CRYBG1: variants seen among roughly 807,000 people sequenced by gnomAD.
CRYBG1 encodes crystallin beta-gamma domain containing 1.
CRYBG1 carries 139 observed loss-of-function variants against 189.2 expected under a neutral mutation model. That is an observed-to-expected ratio of 0.73 (90% CI 0.64 to 0.85). The LOEUF (loss-of-function observed/expected upper bound fraction) is 0.85. Among genes scored for constraint, CRYBG1 ranks in the 40% least tolerant of loss-of-function variants. The pLI is 0.00. For missense variants in CRYBG1, 2,611 were observed against 2,675.8 expected, an observed-to-expected ratio of 0.98 and a Z score of 0.53; for synonymous variants, 1,023 against 1,017.1, an observed-to-expected ratio of 1.01 and a Z score of -0.11.
Position 106,553,491 on chromosome 6 carries a change from A to C in CRYBG1, c.5509A>C (p.Ser1837Arg). ...LFSEPQFQGHSQSFEETTSQI... is the reference protein window; with the variant it reads ...LFSEPQFQGHRQSFEETTSQI... The stretch of plus-strand genomic sequence containing the variant: ...TTCAGAACCACAGTTTCAAGGTCAC[A>C]GTCAAAGTTTTGAAGAAACAACAAG... The change falls in exon 16 of 22, where the codon AGT becomes CGT. Residue 1837 changes from serine to arginine, a missense_variant. Around this residue, in one of 3 missense-constraint regions of CRYBG1, gnomAD observed 1,622 missense variants for 1,735.0 expected, o/e 0.93. Coordinates refer to ENST00000633556, the MANE Select transcript of CRYBG1 (RefSeq NM_001371242.2). 1.9e-6 allele frequency: 3 copies of C among 1,613,892 alleles called. No homozygotes were observed. Among genetic ancestry groups the C allele is most frequent in the East Asian group, 2.2e-5 (1 of 44,880 alleles).
At chr6:106,375,985 A>AT (rs1770155519) in intron 1 of CRYBG1, among the ~76,000 whole-genome samples, 2 of 152,248 alleles carry the variant, frequency 1.3e-5, no homozygotes, top group African/African-American at 2.4e-5. Flanking sequence ...TAAAAATTAC[A>AT]TGAATATGGT....
chr6:106,462,425 C>T (rs1463890688), intron 2 of CRYBG1, among the ~76,000 whole-genome samples: 1 of 152,228 alleles, frequency 6.6e-6, no homozygotes, highest in Non-Finnish European at 1.5e-5. Context: ...TCCCAAAGTG[C>T]TGGGATTACA....
chr6:106,526,698 T>C (rs945938707), intron 6 of CRYBG1, among the ~76,000 whole-genome samples: 8 of 151,964 alleles, frequency 5.3e-5, no homozygotes, highest in Non-Finnish European at 7.4e-5. Context: ...TTCCAGCACG[T>C]TGGGAGGCCG....
chr6:106,380,117 A>T (rs1445825764), intron 1 of CRYBG1, among the ~76,000 whole-genome samples: 1 of 152,176 alleles, frequency 6.6e-6, no homozygotes, highest in Non-Finnish European at 1.5e-5. Context: ...TCAAAAAAGA[A>T]AAACCCCAGA....
At chr6:106,517,847 A>G (rs1323812589) in intron 3 of CRYBG1, among the ~76,000 whole-genome samples, 1 of 152,176 alleles carries the variant, frequency 6.6e-6, no homozygotes, top group Non-Finnish European at 1.5e-5. Context: ...AACAGAGCAC[A>G]TTTTGTTTCT....
chr6:106,509,821 C>A (rs576882966), intron 2 of CRYBG1, among the ~76,000 whole-genome samples: 2 of 152,092 alleles, frequency 1.3e-5, no homozygotes, highest in African/African-American at 2.4e-5. Context: ...CTCTCCCCCC[C>A]ACCCCAATTT....
At chr6:106,375,109 G>A (rs375630075) in intron 1 of CRYBG1, among the ~76,000 whole-genome samples, 10 of 152,138 alleles carry the variant, frequency 6.6e-5, no homozygotes, top group East Asian at 5.8e-4. Flanking sequence ...GTGGCCAGGC[G>A]TGGTGGCTTA....
chr6:106,555,146 C>G (rs970921381), intron 16 of CRYBG1, among the ~76,000 whole-genome samples: 2 of 147,406 alleles, frequency 1.4e-5, no homozygotes, highest in African/African-American at 2.5e-5. Flanking sequence ...GCCTGTGTGA[C>G]AGAGCGAGAT....
chr6:106,388,330 T>G (rs2787522), intron 1 of CRYBG1, among the ~76,000 whole-genome samples: 56,017 of 151,980 alleles, frequency 0.37, 10,699 homozygotes, highest in East Asian at 0.55. Context: ...TCAAGTGTTT[T>G]GGCCATGCAC....
chr6:106,463,001 A>T lies in CRYBG1; in HGVS notation c.312+11169A>T, dbSNP rs1582777002. On this transcript the variant is annotated intron_variant, in intron 2 of 21. Transcript: ENST00000633556. ...GACCCTATCTCTACAAAAAAATTTTAAAATTAGCTAGGTAAGGTGGCCCAT... is the reference window on the plus strand; with the variant it reads ...GACCCTATCTCTACAAAAAAATTTTTAAATTAGCTAGGTAAGGTGGCCCAT... 3.3e-5 allele frequency among the ~76,000 whole-genome samples: 5 copies of T among 152,340 alleles called. 1 individual carries two copies. Among genetic ancestry groups the T allele is most frequent in the Admixed American group, 3.3e-4 (5 of 15,308 alleles).
chr6:106,515,063 T>C (rs1040087782), intron 3 of CRYBG1, among the ~76,000 whole-genome samples: 1 of 152,230 alleles, frequency 6.6e-6, no homozygotes, highest in Admixed American at 6.5e-5. Context: ...AGAAAAACTA[T>C]TTCGTATTTC....
intron 6 of CRYBG1, among the ~76,000 whole-genome samples, chr6:106,526,275 A>T (rs1271888450): frequency 6.6e-6 from 1 of 152,232 alleles, no homozygotes; most frequent in African/African-American, 2.4e-5. Flanking sequence ...TATATCCAAC[A>T]TAGTCATGAG....
intron 1 of CRYBG1, among the ~76,000 whole-genome samples, chr6:106,440,486 C>T (rs1194543853): frequency 9.2e-5 from 14 of 152,082 alleles, no homozygotes; most frequent in African/African-American, 1.4e-4. Context: ...AGGCTGGTCT[C>T]GAACCCCTGA....
intron 13 of CRYBG1, among the ~76,000 whole-genome samples, chr6:106,549,549 G>A (rs1010622964): frequency 6.6e-6 from 1 of 151,304 alleles, no homozygotes; most frequent in Admixed American, 6.6e-5. Context: ...GACCAGCCTG[G>A]CCAACATGGT....
rs1489074203 is a variant in CRYBG1 at position 106,360,990 on chromosome 6, C to T, written c.82C>T (p.Leu28Phe). 13 of 1,535,260 alleles carry T rather than the reference C, an allele frequency of 8.5e-6. No individual in the cohort carries two copies. In the Middle Eastern group the frequency reaches 1.2e-3, roughly 138 times the overall value. ...CCCTAAGAAGCACACCACCTTCCAC[C>T]TCTGGCGCTCCAAAAAGAAGCAGCA... The part of the protein sequence containing the change: ...RPPKKHTTFH[L>F]WRSKKKQQPA... The change falls in exon 1 of 22, where the codon CTC becomes TTC. Residue 28 changes from leucine (L) to phenylalanine (F), a missense_variant. Coordinates refer to ENST00000633556, the MANE Select transcript of CRYBG1 (RefSeq NM_001371242.2).
intron 8 of CRYBG1, among the ~76,000 whole-genome samples, chr6:106,537,319 TA>T (rs1283741305): frequency 1.3e-5 from 2 of 152,216 alleles, no homozygotes; most frequent in Admixed American, 6.5e-5. Flanking sequence ...TGTTCACTTG[TA>T]AAGAAGTCAG....
chr6:106,505,241 C>T (rs535025243), intron 2 of CRYBG1, among the ~76,000 whole-genome samples: 23 of 152,158 alleles, frequency 1.5e-4, no homozygotes, highest in South Asian at 6.2e-4. Context: ...ACTACAGGCA[C>T]GTGCCACCAC....
chr6:106,538,738 A>G (rs147617658), intron 8 of CRYBG1, among the ~76,000 whole-genome samples: 3 of 152,000 alleles, frequency 2.0e-5, no homozygotes, highest in Non-Finnish European at 4.4e-5. Context: ...TAAAAAAAAA[A>G]TGCAAAACTT....
intron 1 of CRYBG1, among the ~76,000 whole-genome samples, chr6:106,376,577 C>T (rs1300087385): frequency 1.3e-5 from 2 of 152,018 alleles, no homozygotes; most frequent in Admixed American, 6.6e-5. Flanking sequence ...GATGGGTCAA[C>T]CTCTTCTATA....
Sources: gnomAD v4.1 joint callset for allele counts (sites outside exome capture counted in the v4.1 genomes callset) on GRCh38, gnomAD v4.1.1 for gene constraint, gnomAD v4.1.1 regional missense constraint, MANE v1.5 for transcripts, NCBI Gene and HGNC (gene_info 2026-07-23, HGNC 2026-07-21) for gene names.